RPS6KC1: variants seen among roughly 807,000 people sequenced by gnomAD.
RPS6KC1 encodes the protein inactive ribosomal protein S6 kinase delta-1.
RPS6KC1 carries 54 observed loss-of-function variants against 103.8 expected under a neutral mutation model. That is an observed-to-expected ratio of 0.52 (90% CI 0.42 to 0.65). The LOEUF is 0.65. RPS6KC1 is among the 30% of genes least tolerant of loss of function. RPS6KC1 has a pLI of 0.00. For missense variants in RPS6KC1, 1,151 were observed against 1,253.8 expected, an observed-to-expected ratio of 0.92 and a Z score of 1.24; for synonymous variants, 439 against 438.7, an observed-to-expected ratio of 1.00 and a Z score of -0.01.
At chr1:213,257,358 C>T (rs190691567) in intron 12 of RPS6KC1, among the ~76,000 whole-genome samples, 6 of 152,292 alleles carry the variant, frequency 3.9e-5, no homozygotes, top group East Asian at 1.9e-4. Flanking sequence ...TCAGTTTTAA[C>T]GAGGAACCTC....
At chr1:213,331,962 CTGTT>C in the RPS6KC1 span, among the ~76,000 whole-genome samples, 1 of 150,126 alleles carries the variant, frequency 6.7e-6, no homozygotes, top group Non-Finnish European at 1.5e-5. Flanking sequence ...TTTCCTGTGT[CTGTT>C]TGGGCTCCCA....
the RPS6KC1 span, among the ~76,000 whole-genome samples, chr1:213,723,904 G>A: frequency 6.7e-6 from 1 of 148,296 alleles, no homozygotes; most frequent in Non-Finnish European, 1.5e-5. Context: ...TAATAATAAA[G>A]CCTATGGAGG....
chr1:213,636,140 C>T, the RPS6KC1 span, among the ~76,000 whole-genome samples: 2 of 152,152 alleles, frequency 1.3e-5, no homozygotes, highest in Non-Finnish European at 2.9e-5. Flanking sequence ...AATGGAAGAA[C>T]GTTCCATGCT....
chr1:213,633,039 G>T, the RPS6KC1 span, among the ~76,000 whole-genome samples: 1 of 152,184 alleles, frequency 6.6e-6, no homozygotes, highest in Non-Finnish European at 1.5e-5. Context: ...CAAGAAATAT[G>T]GGACTATGTG....
intron 1 of RPS6KC1, among the ~76,000 whole-genome samples, chr1:213,068,641 G>A (rs1488901410): frequency 6.6e-6 from 1 of 151,894 alleles, no homozygotes; most frequent in Non-Finnish European, 1.5e-5. Flanking sequence ...ATAGTTGTTA[G>A]TTACCTGTTA....
intron 12 of RPS6KC1, among the ~76,000 whole-genome samples, chr1:213,244,195 G>A (rs1412585211): frequency 6.7e-6 from 1 of 149,264 alleles, no homozygotes; most frequent in African/African-American, 2.5e-5. Context: ...ACAGTTACTC[G>A]ATTAAAAAAA....
At chr1:213,830,262 C>T in the RPS6KC1 span, among the ~76,000 whole-genome samples, 1 of 152,028 alleles carries the variant, frequency 6.6e-6, no homozygotes, top group South Asian at 2.1e-4. Flanking sequence ...TATGGCTCAT[C>T]ATAAAGAAAA....
chr1:213,405,036 A>G, the RPS6KC1 span, among the ~76,000 whole-genome samples: 2,497 of 152,310 alleles, frequency 0.016, 66 homozygotes, highest in African/African-American at 0.056. Context: ...TTTCGGCTCT[A>G]TCTGTGGGAT....
At chr1:213,787,030 A>G in the RPS6KC1 span, among the ~76,000 whole-genome samples, 1 of 152,224 alleles carries the variant, frequency 6.6e-6, no homozygotes, top group African/African-American at 2.4e-5. Flanking sequence ...GAATGAAATG[A>G]TTAAGCAATT....
intron 8 of RPS6KC1, among the ~76,000 whole-genome samples, chr1:213,217,083 G>A (rs1367045781): frequency 6.6e-6 from 1 of 151,688 alleles, no homozygotes; most frequent in Non-Finnish European, 1.5e-5. Context: ...GAATCCAGGA[G>A]CTGGCTTTTT....
the RPS6KC1 span, among the ~76,000 whole-genome samples, chr1:213,588,135 G>A: frequency 6.6e-6 from 1 of 152,054 alleles, no homozygotes; most frequent in African/African-American, 2.4e-5. Flanking sequence ...GAGTACGGTG[G>A]CACAGTCATA....
At chr1:213,052,754 C>G (rs2077053462) in intron 1 of RPS6KC1, among the ~76,000 whole-genome samples, 1 of 152,114 alleles carries the variant, frequency 6.6e-6, no homozygotes, top group Admixed American at 6.6e-5. Context: ...GTTGCTCAGG[C>G]TCATTTCGAA....
chr1:213,307,302 C>T, the RPS6KC1 span, among the ~76,000 whole-genome samples: 5 of 152,128 alleles, frequency 3.3e-5, no homozygotes, highest in East Asian at 3.9e-4. Flanking sequence ...CCGCCCGCCT[C>T]GGCCTCCCAT....
the RPS6KC1 span, among the ~76,000 whole-genome samples, chr1:213,435,198 A>C: frequency 6.6e-6 from 1 of 152,256 alleles, no homozygotes; most frequent in Non-Finnish European, 1.5e-5. Context: ...CATCTCAGAC[A>C]TTGTAGTTTT....
At chr1:213,061,384 G>A (rs755071214) in intron 1 of RPS6KC1, among the ~76,000 whole-genome samples, 5 of 152,188 alleles carry the variant, frequency 3.3e-5, no homozygotes, top group Non-Finnish European at 5.9e-5. Flanking sequence ...TTGTGCAGGT[G>A]TTGCCTCTTG....
the RPS6KC1 span, among the ~76,000 whole-genome samples, chr1:213,550,330 A>G: frequency 6.6e-6 from 1 of 152,110 alleles, no homozygotes; most frequent in South Asian, 2.1e-4. Flanking sequence ...AGGTAAGCAC[A>G]TTTTTCTCCT....
chr1:213,349,924 C>T, the RPS6KC1 span, among the ~76,000 whole-genome samples: 2 of 152,290 alleles, frequency 1.3e-5, no homozygotes, highest in South Asian at 2.1e-4. Flanking sequence ...AACATTTATG[C>T]TGTGTGTCAG....
intron 8 of RPS6KC1, among the ~76,000 whole-genome samples, chr1:213,220,231 A>G (rs571555581): frequency 6.6e-6 from 1 of 152,306 alleles, no homozygotes; most frequent in Non-Finnish European, 1.5e-5. Flanking sequence ...ATAATGCCCT[A>G]TCTTTAAATT....
chr1:213,678,097 C>T, the RPS6KC1 span, among the ~76,000 whole-genome samples: 19 of 152,080 alleles, frequency 1.2e-4, no homozygotes, highest in Admixed American at 2.6e-4. Context: ...TCGTTTAAAC[C>T]GGCACAGGGC....
Sources: allele counts gnomAD v4.1 joint callset (sites outside exome capture counted in the v4.1 genomes callset), GRCh38; gene constraint gnomAD v4.1.1; transcripts MANE v1.5; gene names NCBI Gene and HGNC (gene_info 2026-07-23, HGNC 2026-07-21).